The following CCDC125 variants were observed in gnomAD, a reference collection of about 807,000 sequenced individuals.
The protein encoded by CCDC125 is coiled-coil domain containing 125.
A neutral mutation model predicts 57.4 loss-of-function variants in CCDC125; 43 were observed. That is an observed-to-expected ratio of 0.75 (90% CI 0.59 to 0.97). The LOEUF (loss-of-function observed/expected upper bound fraction) is 0.97. Ranked by LOEUF, CCDC125 falls within the 50% of genes least tolerant of loss-of-function variation. CCDC125 has a pLI of 0.00. For synonymous variants in CCDC125, 187 were observed against 195.2 expected, an observed-to-expected ratio of 0.96 and a Z score of 0.35; for missense variants, 563 against 595.7, an observed-to-expected ratio of 0.95 and a Z score of 0.57.
chr5:69,279,417 C>CT (rs1432913554), downstream of CCDC125, among the ~76,000 whole-genome samples: 1 of 152,140 alleles, frequency 6.6e-6, no homozygotes, highest in African/African-American at 2.4e-5. Flanking sequence ...AGGATGGTCT[C>CT]TATCTCCTGA....
intron 7 of CCDC125, among the ~76,000 whole-genome samples, chr5:69,300,433 A>G (rs1413906707): frequency 1.3e-5 from 2 of 152,244 alleles, no homozygotes; most frequent in Non-Finnish European, 2.9e-5. Context: ...AAAGCAAATT[A>G]TTCAGAGACT....
chr5:69,310,212 G>C (rs1198287610), intron 4 of CCDC125: 1 of 152,154 alleles, frequency 6.6e-6, no homozygotes, highest in African/African-American at 2.4e-5. Context: ...AGATTTGGAG[G>C]GGCTGGAGTG....
intron 2 of CCDC125, among the ~76,000 whole-genome samples, chr5:69,314,563 T>G (rs571628048): frequency 7.6e-4 from 115 of 152,250 alleles, no homozygotes; most frequent in Admixed American, 5.2e-3. Flanking sequence ...ATAAAAAAAT[T>G]TTTTGAATAG....
At chr5:69,290,881 C>T (rs1228647415) in intron 10 of CCDC125, among the ~76,000 whole-genome samples, 1 of 151,954 alleles carries the variant, frequency 6.6e-6, no homozygotes, top group African/African-American at 2.4e-5. Context: ...CCACCCACCT[C>T]GGCCTCCCAA....
chr5:69,322,232 A>T lies in CCDC125; in HGVS notation c.-40-1652T>A, dbSNP rs77390903. 2.2e-4 allele frequency among the ~76,000 whole-genome samples: 33 copies of T among 151,706 alleles called. No homozygotes were observed. The East Asian group carries it at 4.3e-3, about 20-fold the overall frequency. ...ACTCGTGGGCTCAAGTGATTCTCCC[A>T]GTTCAGCCTCTGGAGTAGCTCGGAT... On this transcript the variant is annotated intron_variant, in intron 1 of 11. Transcript: ENST00000396496.
intron 3 of CCDC125, among the ~76,000 whole-genome samples, chr5:69,313,144 G>C (rs1303854392): frequency 6.6e-6 from 1 of 152,156 alleles, no homozygotes; most frequent in Non-Finnish European, 1.5e-5. Flanking sequence ...CAACCCAAGA[G>C]GAATCAGAAG....
chr5:69,278,085 T>G (rs1173303706), downstream of CCDC125, among the ~76,000 whole-genome samples: 1 of 152,236 alleles, frequency 6.6e-6, no homozygotes, highest in East Asian at 1.9e-4. Flanking sequence ...TTTCACCATG[T>G]TGGCCAGGCT....
intron 11 of CCDC125, among the ~76,000 whole-genome samples, chr5:69,284,321 G>C (rs1752967806): frequency 6.6e-6 from 1 of 152,098 alleles, no homozygotes; most frequent in Non-Finnish European, 1.5e-5. Flanking sequence ...ATATATAACA[G>C]TCTAGAGATA....
At position 69,294,822 on chromosome 5, in the gene CCDC125, G is replaced by A. The variant is rs776166356; in HGVS notation, c.895C>T (p.Arg299Trp). 2.7e-5 allele frequency: 44 copies of A among 1,614,098 alleles called. No individual in the cohort carries two copies. The highest frequency in any genetic ancestry group is 4.5e-5 in the East Asian group (2 of 44,884). The change falls in exon 9 of 12, where the codon CGG becomes TGG. Residue 299 changes from arginine to tryptophan, a missense_variant. Coordinates refer to ENST00000396496, the MANE Select transcript of CCDC125 (RefSeq NM_176816.5). ...TGTTTGAGCTGAAGAAGCAGTTTCC[G>A]AGTGGATGCTGCCATTCTGGCACAA... ...CSCARMAAST[R>W]KLLLQLKQEL...
downstream of CCDC125, among the ~76,000 whole-genome samples, chr5:69,279,467 A>G (rs1368743835): frequency 6.6e-6 from 1 of 152,122 alleles, no homozygotes; most frequent in Non-Finnish European, 1.5e-5. Flanking sequence ...AAGTGCTGGG[A>G]TTACAGGCGT....
intron 3 of CCDC125, 108 bp from the exon 4 acceptor site, chr5:69,311,312 G>A (rs77690023): frequency 0.092 from 55,578 of 606,562 alleles, 3,293 homozygotes; most frequent in African/African-American, 0.19. Flanking sequence ...TTACAAATGT[G>A]GCTGAAAATT....
At chr5:69,324,888 A>G (rs1227097945) in intron 1 of CCDC125, among the ~76,000 whole-genome samples, 2 of 152,164 alleles carry the variant, frequency 1.3e-5, no homozygotes, top group African/African-American at 4.8e-5. Flanking sequence ...CACATACTGT[A>G]TGAAATACTG....
downstream of CCDC125, chr5:69,277,520 A>G (rs4541612): frequency 0.63 from 97,865 of 155,534 alleles, 31,642 homozygotes; most frequent in African/African-American, 0.78. Context: ...CTGTATTCCC[A>G]GCACTTTGGG....
chr5:69,321,950 C>T (rs1401179242), intron 1 of CCDC125, among the ~76,000 whole-genome samples: 1 of 152,254 alleles, frequency 6.6e-6, no homozygotes, highest in East Asian at 1.9e-4. Flanking sequence ...GATTATCCTG[C>T]CTCAGCCTCC....
At chr5:69,311,032 C>G in intron 4 of CCDC125, 86 bp downstream of exon 4, 1 of 811,966 alleles carries the variant, frequency 1.2e-6, no homozygotes, top group Admixed American at 2.6e-5. Context: ...ATATTAAGTC[C>G]TTCTGCCTTG....
rs1046270769 is a variant in CCDC125, at chr5:69,318,588, C to A, written c.304+1649G>T. Among the ~76,000 whole-genome samples, 828 of 130,044 alleles carry A rather than the reference C, an allele frequency of 6.4e-3. 5 individuals are homozygous for A. The highest frequency in any genetic ancestry group is 0.021 in the African/African-American group (737 of 34,476). 85.3% of individuals were successfully genotyped at this position (130,044 alleles called of 152,430 possible). A position where few individuals can be genotyped will look rare whatever the true frequency, so the allele number is the denominator to read the frequency against. On this transcript the variant is annotated intron_variant, in intron 2 of 11. Transcript: ENST00000396496. Reference sequence around the variant, plus strand: ...TGAAACCCCATCTCTACTAAAAATACAAAAAAAAAAAAAAATTAGCCAGGC... The same window carrying A: ...TGAAACCCCATCTCTACTAAAAATAAAAAAAAAAAAAAAAATTAGCCAGGC...
intron 1 of CCDC125, among the ~76,000 whole-genome samples, chr5:69,329,837 C>T (rs1018585701): frequency 3.9e-5 from 6 of 152,086 alleles, no homozygotes; most frequent in East Asian, 1.9e-4. Flanking sequence ...CCCAGGCATA[C>T]GTGACTTGCC....
intron 8 of CCDC125, among the ~76,000 whole-genome samples, chr5:69,297,846 G>A (rs1452654023): frequency 3.3e-5 from 5 of 151,052 alleles, no homozygotes; most frequent in Admixed American, 1.3e-4. Flanking sequence ...GTGTGCACCC[G>A]TAGTCCCAGG....
In CCDC125 at chr5:69,292,369, T is replaced by C. The variant is rs1435525035; in HGVS notation, c.925-7A>G. The C allele has an allele frequency of 6.2e-6, 10 of 1,609,994 alleles. No individual in the cohort carries two copies. The highest frequency in any genetic ancestry group is 8.5e-6 in the Non-Finnish European group (10 of 1,178,544). ...TCTTCTGCAAAATTTCCAACTGATT[T>C]TGAAAGACAGTTTGGGAGGTGTCAG... On this transcript the variant is annotated splice_polypyrimidine_tract_variant and splice_region_variant and intron_variant, in intron 9 of 11. Coordinates refer to ENST00000396496, the MANE Select transcript of CCDC125 (RefSeq NM_176816.5).
Sources: allele counts gnomAD v4.1 joint callset (sites outside exome capture counted in the v4.1 genomes callset), GRCh38; gene constraint gnomAD v4.1.1; transcripts MANE v1.5; gene names NCBI Gene and HGNC (gene_info 2026-07-23, HGNC 2026-07-21).